The following TOX variants were observed in gnomAD, a reference collection of about 807,000 sequenced individuals.
TOX encodes thymocyte selection-associated high mobility group box protein TOX.
In TOX, 11 loss-of-function variants were observed where a neutral mutation model predicts 53.7. The observed-to-expected ratio is 0.20, with a 90% CI of 0.13 to 0.34. The LOEUF (loss-of-function observed/expected upper bound fraction) is 0.34. TOX is among the 10% of genes least tolerant of loss of function. The pLI is 1.00. For synonymous variants in TOX, 225 were observed against 245.3 expected, an observed-to-expected ratio of 0.92 and a Z score of 0.77; for missense variants, 570 against 664.6, an observed-to-expected ratio of 0.86 and a Z score of 1.56.
At chr8:59,073,871 A>G (rs1804246127) in intron 1 of TOX, among the ~76,000 whole-genome samples, 1 of 152,208 alleles carries the variant, frequency 6.6e-6, no homozygotes, top group Non-Finnish European at 1.5e-5. Context: ...CTTCACTTAA[A>G]TAGCATGGGT....
intron 1 of TOX, among the ~76,000 whole-genome samples, chr8:59,076,608 T>A (rs920561687): frequency 4.6e-5 from 7 of 152,222 alleles, no homozygotes; most frequent in Non-Finnish European, 8.8e-5. Flanking sequence ...ATAATGGTTA[T>A]TTTTTACACA....
intron 1 of TOX, among the ~76,000 whole-genome samples, chr8:59,066,255 TAATGAACA>T (rs1407845557): frequency 6.6e-6 from 1 of 152,212 alleles, no homozygotes; most frequent in Non-Finnish European, 1.5e-5. Context: ...CTGGATTATT[TAATGAACA>T]AATAAGTCAC....
At chr8:59,060,691 A>G (rs1402742312) in intron 1 of TOX, among the ~76,000 whole-genome samples, 1 of 152,182 alleles carries the variant, frequency 6.6e-6, no homozygotes, top group Non-Finnish European at 1.5e-5. Context: ...TAGTACTAAT[A>G]GCCAATGTTT....
intron 4 of TOX, among the ~76,000 whole-genome samples, chr8:58,843,472 T>A (rs553571959): frequency 1.0e-3 from 152 of 152,294 alleles, no homozygotes; most frequent in African/African-American, 3.6e-3. Context: ...GAATGAAAGA[T>A]CTCCATTTTT....
chr8:58,967,403 G>C (rs996972943), intron 1 of TOX, among the ~76,000 whole-genome samples: 4 of 152,152 alleles, frequency 2.6e-5, no homozygotes, highest in Non-Finnish European at 5.9e-5. Context: ...GATGGATCCA[G>C]TTACATGCTC....
chr8:59,032,446 T>G (rs1333972618), intron 1 of TOX, among the ~76,000 whole-genome samples: 1 of 152,248 alleles, frequency 6.6e-6, no homozygotes, highest in Non-Finnish European at 1.5e-5. Context: ...TTCAGTTTTG[T>G]GACAGCTCCT....
intron 3 of TOX, among the ~76,000 whole-genome samples, chr8:58,858,173 GA>G (rs892078601): frequency 7.9e-5 from 12 of 151,344 alleles, no homozygotes; most frequent in South Asian, 4.2e-4. Flanking sequence ...CTGGAATGGT[GA>G]AAAAAAAATC....
At chr8:59,039,640 C>G (rs1034811268) in intron 1 of TOX, among the ~76,000 whole-genome samples, 1 of 152,062 alleles carries the variant, frequency 6.6e-6, no homozygotes, top group African/African-American at 2.4e-5. Context: ...CCATTTTTTT[C>G]TCATTACTCT....
chr8:58,885,490 A>C (rs767974355), intron 3 of TOX, among the ~76,000 whole-genome samples: 7 of 152,126 alleles, frequency 4.6e-5, no homozygotes, highest in African/African-American at 2.4e-5. Flanking sequence ...TCTTCTCACC[A>C]AATGAGCTCG....
chr8:58,939,005 T>G (rs1812390851), intron 3 of TOX, among the ~76,000 whole-genome samples: 1 of 152,348 alleles, frequency 6.6e-6, no homozygotes, highest in Non-Finnish European at 1.5e-5. Context: ...GATGACTTTT[T>G]CTCTGAAAGC....
At position 58,962,583 on chromosome 8, in the gene TOX, TAA is replaced by T. The variant is rs1469148667; in HGVS notation, c.103-2577_103-2576del. On this transcript the variant is annotated intron_variant, in intron 1 of 8. Coordinates refer to ENST00000361421, the MANE Select transcript of TOX (RefSeq NM_014729.3). Reference sequence around the variant, plus strand: ...ATCAATATATTCTGAATCATAATGATAAGTTAGCTATCAATTCTGAAAATAAC... The same window carrying T: ...ATCAATATATTCTGAATCATAATGATGTTAGCTATCAATTCTGAAAATAAC... Among the ~76,000 whole-genome samples the T allele has an allele frequency of 2.6e-4, 40 of 152,164 alleles. 1 individual carries two copies. Among genetic ancestry groups the T allele is most frequent in the Admixed American group, 5.2e-4 (8 of 15,274 alleles).
chr8:58,827,592 C>T (rs1343630760), intron 5 of TOX, among the ~76,000 whole-genome samples: 2 of 152,164 alleles, frequency 1.3e-5, no homozygotes, highest in Non-Finnish European at 2.9e-5. Flanking sequence ...TCTGTGGACA[C>T]CTCATTTTGA....
At chr8:59,033,897 A>G (rs1814407741) in intron 1 of TOX, among the ~76,000 whole-genome samples, 1 of 152,230 alleles carries the variant, frequency 6.6e-6, no homozygotes, top group African/African-American at 2.4e-5. Context: ...CGGCCTCAAC[A>G]TAGACACTGA....
intron 1 of TOX, among the ~76,000 whole-genome samples, chr8:58,987,282 C>T (rs189061858): frequency 6.6e-6 from 1 of 152,284 alleles, no homozygotes; most frequent in Non-Finnish European, 1.5e-5. Flanking sequence ...AATTGTCACA[C>T]ACTGGCCTTC....
intron 1 of TOX, among the ~76,000 whole-genome samples, chr8:58,987,914 G>T (rs1348911789): frequency 6.6e-6 from 1 of 152,168 alleles, no homozygotes; most frequent in Non-Finnish European, 1.5e-5. Flanking sequence ...TCCTTTGAAA[G>T]ATATGGAAAT....
chr8:59,115,892 T>C (rs1262955619), intron 1 of TOX, among the ~76,000 whole-genome samples: 2 of 152,084 alleles, frequency 1.3e-5, no homozygotes, highest in East Asian at 1.9e-4. Flanking sequence ...AGAGCAATAC[T>C]AGATTAAACC....
At chr8:58,876,237 G>A (rs1039008996) in intron 3 of TOX, among the ~76,000 whole-genome samples, 3 of 151,800 alleles carry the variant, frequency 2.0e-5, no homozygotes, top group Non-Finnish European at 4.4e-5. Flanking sequence ...ACAGATATTT[G>A]CTCAGCAATA....
chr8:59,116,251 T>C (rs1177354751), intron 1 of TOX, among the ~76,000 whole-genome samples: 3 of 152,196 alleles, frequency 2.0e-5, no homozygotes, highest in Admixed American at 1.3e-4. Flanking sequence ...ACAAATCACC[T>C]GACAAACTGA....
intron 1 of TOX, among the ~76,000 whole-genome samples, chr8:58,976,717 G>A (rs545428167): frequency 1.4e-3 from 218 of 152,188 alleles, no homozygotes; most frequent in African/African-American, 4.9e-3. Flanking sequence ...TTTACTCCTC[G>A]ATCCATGGGT....
Sources: allele counts gnomAD v4.1 joint callset (sites outside exome capture counted in the v4.1 genomes callset), GRCh38; gene constraint gnomAD v4.1.1; transcripts MANE v1.5; gene names NCBI Gene and HGNC (gene_info 2026-07-23, HGNC 2026-07-21).